Variants in ADK observed in about 807,000 individuals in gnomAD.
ADK encodes the protein N6,N6-dimethyladenosine kinase.
Under a neutral mutation model 44.7 loss-of-function variants are expected in ADK, and 24 were observed. The observed-to-expected ratio is 0.54, with a 90% confidence interval of 0.39 to 0.76. The LOEUF (loss-of-function observed/expected upper bound fraction) is 0.76. Among genes scored for constraint, ADK ranks in the 30% least tolerant of loss-of-function variants. The probability of loss-of-function intolerance (pLI) is 0.00; values close to 1 mark genes in which losing one functional copy is unlikely to be tolerated. For missense variants in ADK, 321 were observed against 425.1 expected (o/e 0.76, Z 2.15); for synonymous variants, 128 against 142.6 (o/e 0.90, Z 0.73).
At chr10:74,338,790 C>G (rs1354338174) in intron 4 of ADK, among the ~76,000 whole-genome samples, 2 of 152,122 alleles carry the variant, frequency 1.3e-5, no homozygotes, top group Non-Finnish European at 2.9e-5. Context: ...ATAGGTATGA[C>G]TATAAGGGAG....
At chr10:74,206,164 A>G (rs113628326) in intron 2 of ADK, among the ~76,000 whole-genome samples, 4 of 152,254 alleles carry the variant, frequency 2.6e-5, no homozygotes, top group African/African-American at 9.6e-5. Flanking sequence ...TTGAAATTTT[A>G]TCGTGTATTT....
chr10:74,182,090 G>A (rs920300000), intron 1 of ADK, among the ~76,000 whole-genome samples: 136 of 152,246 alleles, frequency 8.9e-4, no homozygotes, highest in African/African-American at 3.1e-3. Flanking sequence ...ATGTCCAATA[G>A]AATCTGCCAA....
At chr10:74,245,983 T>G (rs934032980) in intron 3 of ADK, among the ~76,000 whole-genome samples, 1 of 152,156 alleles carries the variant, frequency 6.6e-6, no homozygotes, top group Non-Finnish European at 1.5e-5. Context: ...ATCACAGTTA[T>G]GATGCATTCT....
chr10:74,267,228 C>T (rs1275918857), intron 3 of ADK, among the ~76,000 whole-genome samples: 1 of 152,034 alleles, frequency 6.6e-6, no homozygotes, highest in Non-Finnish European at 1.5e-5. Context: ...ATACAGTTGG[C>T]CCTCTATATG....
chr10:74,300,354 CCTTCCTTT>C (rs1356823926), intron 3 of ADK, among the ~76,000 whole-genome samples: 1,945 of 66,270 alleles, frequency 0.029, 80 homozygotes, highest in Middle Eastern at 0.1. Context: ...TTCCTTCCTT[CCTTCCTTT>C]CTTTCTTTCT....
chr10:74,368,327 T>G (rs181170605), intron 4 of ADK, among the ~76,000 whole-genome samples: 18 of 152,216 alleles, frequency 1.2e-4, no homozygotes, highest in Admixed American at 2.0e-4. Flanking sequence ...CAGACTGGTC[T>G]TGAATTTCTG....
At chr10:74,448,459 A>G (rs1251828941) in intron 6 of ADK, among the ~76,000 whole-genome samples, 2 of 152,166 alleles carry the variant, frequency 1.3e-5, no homozygotes, top group African/African-American at 2.4e-5. Flanking sequence ...ATATATGTGT[A>G]TATATATACG....
rs147094190 is a variant in ADK, at chr10:74,212,919, G to A, written c.141-11619G>A. On this transcript the variant is annotated intron_variant, in intron 2 of 10. Transcript: ENST00000539909. ...GTAAAAGGAGTTAGAGATAACATTT[G>A]AATTTTTGGTTTTGGTGACTGATGG... 1.8e-3 allele frequency among the ~76,000 whole-genome samples: 271 copies of A among 152,198 alleles called. 7 individuals are homozygous for A. The highest frequency in any genetic ancestry group is 0.016 in the Admixed American group (252 of 15,284).
At chr10:74,490,138 A>C (rs954106734) in intron 6 of ADK, among the ~76,000 whole-genome samples, 1 of 152,060 alleles carries the variant, frequency 6.6e-6, no homozygotes, top group African/African-American at 2.4e-5. Flanking sequence ...CAAATCCATG[A>C]CATCTGAATT....
At chr10:74,410,143 A>AT (rs562725697) in intron 6 of ADK, among the ~76,000 whole-genome samples, 457 of 152,178 alleles carry the variant, frequency 3.0e-3, no homozygotes, top group Non-Finnish European at 4.6e-3. Context: ...AATAATTTCT[A>AT]TTTTTTTAGG....
intron 3 of ADK, among the ~76,000 whole-genome samples, chr10:74,257,129 TA>T (rs1845853264): frequency 6.6e-6 from 1 of 152,218 alleles, no homozygotes; most frequent in Admixed American, 6.5e-5. Flanking sequence ...TACTGAACTT[TA>T]TATTTTACAT....
At chr10:74,182,348 T>TTTA (rs1842589983) in intron 1 of ADK, among the ~76,000 whole-genome samples, 2 of 145,650 alleles carry the variant, frequency 1.4e-5, no homozygotes, top group African/African-American at 2.5e-5. Flanking sequence ...ACAGAAATCT[T>TTTA]TTTATTTATT....
intron 3 of ADK, among the ~76,000 whole-genome samples, chr10:74,300,766 T>C (rs1564641305): frequency 6.6e-6 from 1 of 152,232 alleles, no homozygotes; most frequent in Non-Finnish European, 1.5e-5. Flanking sequence ...GCTAATGTAG[T>C]TTGAATCACA....
At chr10:74,629,003 C>A (rs193042550) in intron 9 of ADK, among the ~76,000 whole-genome samples, 1 of 151,966 alleles carries the variant, frequency 6.6e-6, no homozygotes, top group Non-Finnish European at 1.5e-5. Flanking sequence ...ATCATCACAA[C>A]GTACATCTGG....
chr10:74,577,110 C>G lies in ADK; in HGVS notation c.727-12172C>G, dbSNP rs76906333. Reference sequence around the variant, plus strand: ...CCACTTAGTGTTTTGTATTATTTCTCTGTGTGTGTGTGTGTGTGTGTGTGT... The same window carrying G: ...CCACTTAGTGTTTTGTATTATTTCTGTGTGTGTGTGTGTGTGTGTGTGTGT... On this transcript the variant is annotated intron_variant, in intron 7 of 10. Transcript: ENST00000539909. Among the ~76,000 whole-genome samples the G allele has an allele frequency of 3.9e-3, 532 of 137,400 alleles. 7 individuals are homozygous for G. The highest frequency in any genetic ancestry group is 0.012 in the African/African-American group (458 of 36,786). The allele number at this position is 137,400 out of a possible 152,430, so 90.1% of individuals were successfully genotyped here.
At chr10:74,338,815 T>A (rs935750585) in intron 4 of ADK, among the ~76,000 whole-genome samples, 8 of 152,302 alleles carry the variant, frequency 5.3e-5, no homozygotes, top group Middle Eastern at 6.8e-3. Flanking sequence ...AGGAGAGGGC[T>A]TCTTTGTGGT....
At chr10:74,541,427 C>T (rs1182056579) in intron 7 of ADK, among the ~76,000 whole-genome samples, 16 of 152,232 alleles carry the variant, frequency 1.1e-4, no homozygotes, top group Non-Finnish European at 2.9e-5. Context: ...AGGTTGCTCA[C>T]ATTGCATTTA....
intron 1 of ADK, among the ~76,000 whole-genome samples, chr10:74,171,711 T>C (rs1391476423): frequency 1.3e-5 from 2 of 152,146 alleles, no homozygotes; most frequent in East Asian, 3.9e-4. Flanking sequence ...AGGAAAAAAA[T>C]AGGGTTGAAA....
intron 2 of ADK, among the ~76,000 whole-genome samples, chr10:74,216,888 G>A (rs777848914): frequency 1.9e-4 from 29 of 152,174 alleles, no homozygotes; most frequent in Non-Finnish European, 3.2e-4. Context: ...AGTGAGAGGA[G>A]CCCAGATGGC....
Sources: allele counts gnomAD v4.1 joint callset (sites outside exome capture counted in the v4.1 genomes callset), GRCh38; gene constraint gnomAD v4.1.1; transcripts MANE v1.5; gene names NCBI Gene and HGNC (gene_info 2026-07-23, HGNC 2026-07-21).